Variants in VGLL4 observed in about 807,000 individuals in gnomAD.
VGLL4 encodes vestigial like family member 4, also known as transcription cofactor vestigial-like protein 4.
Under a neutral mutation model 21.0 loss-of-function variants are expected in VGLL4, and 7 were observed. The ratio of observed to expected loss-of-function variants is 0.33; its 90% CI spans 0.19 to 0.63. The LOEUF (loss-of-function observed/expected upper bound fraction) is 0.63. VGLL4 is among the 20% of genes least tolerant of loss of function. The pLI is 0.78. For missense variants in VGLL4, 394 were observed against 425.7 expected, an observed-to-expected ratio of 0.93 and a Z score of 0.66; for synonymous variants, 222 against 173.2, an observed-to-expected ratio of 1.28 and a Z score of -2.21.
chr3:11,716,069 C>T lies in VGLL4; in HGVS notation c.-14+4325G>A, dbSNP rs113665502. On this transcript the variant is annotated intron_variant, in intron 1 of 5. Coordinates refer to the VGLL4 transcript ENST00000273038. ...CTGTAATCCCAGCACTTTGGGAGGC[C>T]GAGGCAGGCAGATCACGAGGTCAGG... 2.5e-3 allele frequency among the ~76,000 whole-genome samples: 385 copies of T among 151,778 alleles called. 2 individuals are homozygous for T. Among genetic ancestry groups the T allele is most frequent in the Non-Finnish European group, 4.5e-3 (309 of 67,926 alleles).
chr3:11,704,381 CT>C (rs1185776031), intron 1 of VGLL4, among the ~76,000 whole-genome samples: 3 of 34,030 alleles, frequency 8.8e-5, no homozygotes, highest in Non-Finnish European at 1.8e-4. Context: ...GAAACTCCGT[CT>C]CAAAAAAAAA....
At chr3:11,643,416 A>G in intron 1 of VGLL4, 21 bp downstream of exon 1, 4 of 1,614,012 alleles carry the variant, frequency 2.5e-6, no homozygotes, top group East Asian at 4.5e-5. Context: ...ACGGGCAGTA[A>G]TTCTACAACG....
chr3:11,597,478 C>G (rs2074674498), intron 2 of VGLL4, among the ~76,000 whole-genome samples: 1 of 152,268 alleles, frequency 6.6e-6, no homozygotes. Context: ...ATTGACCTTT[C>G]TAGTCTTAAA....
intron 2 of VGLL4, among the ~76,000 whole-genome samples, chr3:11,579,763 C>A (rs920825013): frequency 3.3e-5 from 5 of 152,126 alleles, no homozygotes; most frequent in African/African-American, 1.2e-4. Flanking sequence ...GCTTCCAAAC[C>A]AGATGGTAAT....
intron 1 of VGLL4, chr3:11,604,273 G>GCGCCCCCACGCCCACCCCCCAC (rs2074880967): frequency 1.7e-6 from 1 of 587,606 alleles, no homozygotes; most frequent in African/African-American, 3.5e-5. Flanking sequence ...AGCACGGTTT[G>GCGCCCCCACGCCCACCCCCCAC]CCTCATTTGA....
intron 2 of VGLL4, chr3:11,671,361 C>A: frequency 2.6e-6 from 3 of 1,135,616 alleles, no homozygotes; most frequent in Non-Finnish European, 2.6e-6. Flanking sequence ...GCGAGGACTA[C>A]GATTCTGCAT....
chr3:11,721,554 T>C (rs1039874496), upstream of VGLL4, among the ~76,000 whole-genome samples: 6 of 152,186 alleles, frequency 3.9e-5, no homozygotes, highest in African/African-American at 1.2e-4. Flanking sequence ...TTCCCAAAGG[T>C]ACTCTTACAT....
intron 2 of VGLL4, among the ~76,000 whole-genome samples, chr3:11,584,133 T>C (rs1478836781): frequency 2.6e-5 from 4 of 152,318 alleles, no homozygotes; most frequent in African/African-American, 4.8e-5. Flanking sequence ...TAAATAATGC[T>C]GAAAAGCAAA....
At chr3:11,579,795 GAATTA>G (rs2074174782) in intron 2 of VGLL4, among the ~76,000 whole-genome samples, 1 of 152,018 alleles carries the variant, frequency 6.6e-6, no homozygotes, top group African/African-American at 2.4e-5. Flanking sequence ...ACTACTCTTT[GAATTA>G]AATTAAAATT....
upstream of VGLL4, chr3:11,721,667 A>G (rs2076993821): frequency 6.6e-6 from 1 of 152,272 alleles, no homozygotes; most frequent in Non-Finnish European, 1.5e-5. Flanking sequence ...ACAGGGAATG[A>G]GGAAGGAATG....
chr3:11,649,448 C>G (rs79994733), intron 2 of VGLL4, among the ~76,000 whole-genome samples: 3,735 of 152,226 alleles, frequency 0.025, 138 homozygotes, highest in African/African-American at 0.083. Context: ...AACTAGCCTA[C>G]AAATAGTTTA....
At chr3:11,584,046 G>A (rs539752673) in intron 2 of VGLL4, among the ~76,000 whole-genome samples, 13 of 152,156 alleles carry the variant, frequency 8.5e-5, no homozygotes, top group African/African-American at 2.9e-4. Flanking sequence ...AACATTTTAC[G>A]AGGCTTTTCC....
At chr3:11,681,442 G>A (rs946665475) in intron 2 of VGLL4, among the ~76,000 whole-genome samples, 1 of 152,168 alleles carries the variant, frequency 6.6e-6, no homozygotes, top group African/African-American at 2.4e-5. Flanking sequence ...TGCGAACACA[G>A]CATTAAGTAG....
chr3:11,674,126 A>G (rs1026678396), intron 2 of VGLL4, among the ~76,000 whole-genome samples: 1 of 152,092 alleles, frequency 6.6e-6, no homozygotes, highest in African/African-American at 2.4e-5. Context: ...AAAAATCTAC[A>G]ACTGGGAATG....
intron 2 of VGLL4, among the ~76,000 whole-genome samples, chr3:11,696,073 G>T (rs990510121): frequency 6.6e-6 from 1 of 152,144 alleles, no homozygotes; most frequent in Non-Finnish European, 1.5e-5. Flanking sequence ...TCCCGTTTGG[G>T]CTTTCCTGAT....
chr3:11,636,491 A>G (rs759519240), intron 1 of VGLL4, among the ~76,000 whole-genome samples: 3 of 152,212 alleles, frequency 2.0e-5, no homozygotes, highest in Admixed American at 6.5e-5. Context: ...ATCTCTATAC[A>G]ATATAGGGTA....
At chr3:11,711,073 T>A (rs567005405) in intron 1 of VGLL4, among the ~76,000 whole-genome samples, 1 of 148,492 alleles carries the variant, frequency 6.7e-6, no homozygotes, top group Admixed American at 6.8e-5. Flanking sequence ...GCACTCAGCC[T>A]GAGCAACAGA....
intron 2 of VGLL4, among the ~76,000 whole-genome samples, chr3:11,596,505 A>ACC (rs2074645272): frequency 6.6e-6 from 1 of 152,212 alleles, no homozygotes; most frequent in African/African-American, 2.4e-5. Context: ...CTGGTGAACC[A>ACC]GGGAGATAGA....
chr3:11,664,211 C>A (rs1344217817), intron 2 of VGLL4, among the ~76,000 whole-genome samples: 1 of 152,116 alleles, frequency 6.6e-6, no homozygotes, highest in Non-Finnish European at 1.5e-5. Context: ...GCACTCCAGC[C>A]TGGGCGACAG....
Sources: allele counts gnomAD v4.1 joint callset (sites outside exome capture counted in the v4.1 genomes callset), GRCh38; gene constraint gnomAD v4.1.1; transcripts MANE v1.5; gene names NCBI Gene and HGNC (gene_info 2026-07-23, HGNC 2026-07-21).